The following ARAP1 variants were observed in gnomAD, a reference collection of about 807,000 sequenced individuals.
ARAP1 encodes arf-GAP with Rho-GAP domain, ANK repeat and PH domain-containing protein 1.
ARAP1 carries 76 observed loss-of-function variants against 172.2 expected under a neutral mutation model. That is an observed-to-expected ratio of 0.44 (90% CI 0.37 to 0.53). The LOEUF (loss-of-function observed/expected upper bound fraction) is 0.53, where lower values mean the gene tolerates loss of function less well. ARAP1 is among the 20% of genes least tolerant of loss of function. ARAP1 has a pLI of 0.00. For missense variants in ARAP1, 1,686 were observed against 1,977.5 expected, an observed-to-expected ratio of 0.85 and a Z score of 2.80; for synonymous variants, 804 against 803.3, an observed-to-expected ratio of 1.00 and a Z score of -0.01.
intron 1 of ARAP1, among the ~76,000 whole-genome samples, chr11:72,739,892 C>T (rs1033066747): frequency 6.6e-6 from 1 of 152,132 alleles, no homozygotes; most frequent in Non-Finnish European, 1.5e-5. Flanking sequence ...CAGCCATGTC[C>T]CCCTGCAGAG....
chr11:72,751,810 G>A (rs1216039051), intron 1 of ARAP1, among the ~76,000 whole-genome samples: 1 of 151,260 alleles, frequency 6.6e-6, no homozygotes, highest in Non-Finnish European at 1.5e-5. Flanking sequence ...CACTCCCAGC[G>A]TGACCCCATT....
Position 72,699,343 on chromosome 11 carries a change from T to C in ARAP1, c.2438+74A>G. The C allele has an allele frequency of 6.3e-7, 1 of 1,596,052 alleles. No homozygotes were observed. The highest frequency in any genetic ancestry group is 1.3e-5 in the African/African-American group (1 of 74,704). ...TGCGGAGGTCCTCCCCTTCTCTGGG[T>C]CTATTTCCCTGTCTCCCCAGTGGGG... On this transcript the variant is annotated intron_variant, in intron 17 of 34. Transcript: ENST00000393609. This position sits in a 1 kb window ranked among gnomAD's most constrained non-coding sequence, Gnocchi z 4.2.
chr11:72,696,978 C>G lies in ARAP1; in HGVS notation c.3166+5G>C. The stretch of plus-strand genomic sequence containing the variant: ...AGGAGGCTGGGCACGGGCTGCAGGG[C>G]CCACCTGAGGCCTCCAGCCAGGTTA... On this transcript the variant is annotated splice_donor_5th_base_variant and intron_variant, in intron 22 of 34. Transcript: ENST00000393609. 6.2e-7 allele frequency: 1 copy of G among 1,601,068 alleles called. No homozygotes were observed.
chr11:72,702,675 C>T (rs963396640), intron 15 of ARAP1, among the ~76,000 whole-genome samples: 1 of 152,208 alleles, frequency 6.6e-6, no homozygotes, highest in African/African-American at 2.4e-5. Flanking sequence ...CCTGAGGGGC[C>T]CACACTGCAA....
chr11:72,706,155 C>G (rs1464605640), intron 12 of ARAP1, among the ~76,000 whole-genome samples: 1 of 152,200 alleles, frequency 6.6e-6, no homozygotes, highest in African/African-American at 2.4e-5. Flanking sequence ...GCAGGCCACT[C>G]TTAACAAAGC....
chr11:72,707,196 C>T lies in ARAP1; in HGVS notation c.1702G>A (p.Val568Ile). The change falls in exon 12 of 35, where the codon GTT (valine) becomes ATT (isoleucine). Residue 568 changes from valine to isoleucine, a missense_variant. This residue lies in a region of ARAP1 where 688 missense variants were observed against 856.9 expected (regional missense o/e 0.80). Coordinates refer to ENST00000393609, the MANE Select transcript of ARAP1 (RefSeq NM_001040118.3). ...PDWASINLCVVICKRCAGEHR... is the reference protein window; with the variant it reads ...PDWASINLCVIICKRCAGEHR... ...ACACCTGCACAGCGCTTGCAGATAA[C>T]AACACAGAGGTTGATGGAGGCCCAG... 1 of 1,597,656 alleles carries T rather than the reference C, an allele frequency of 6.3e-7. No individual in the cohort carries two copies. Among genetic ancestry groups the T allele is most frequent in the Non-Finnish European group, 8.5e-7 (1 of 1,171,906 alleles).
chr11:72,711,339 G>T (rs2135540999), intron 8 of ARAP1, 91 bp downstream of exon 8: 2 of 1,515,772 alleles, frequency 1.3e-6, no homozygotes, highest in Non-Finnish European at 1.8e-6. Flanking sequence ...CTCTGGCGAG[G>T]ACTCCTCTGG....
chr11:72,696,484 C>T, intron 23 of ARAP1, 65 bp downstream of exon 23: 3 of 1,349,558 alleles, frequency 2.2e-6, no homozygotes, highest in Non-Finnish European at 3.0e-6. Context: ...GGTAGTCAGC[C>T]AGGGTGGGGG....
In ARAP1 at chr11:72,699,151, C is replaced by T. The variant is rs377316680; in HGVS notation, c.2439-44G>A. On this transcript the variant is annotated intron_variant, in intron 17 of 34. Transcript: ENST00000393609. The surrounding 1 kb of genome is among the most constrained non-coding windows in gnomAD (Gnocchi z 4.2). ...GGACTCAGGCCCACCTCATCCAGCA[C>T]GGGCCCACCCCCAACCCGCACCATC... 3.1e-5 allele frequency: 50 copies of T among 1,596,690 alleles called. No homozygotes were observed. In the African/African-American group the frequency reaches 5.8e-4, roughly 18 times the overall value.
intron 1 of ARAP1, among the ~76,000 whole-genome samples, chr11:72,750,781 T>C (rs2135600064): frequency 1.3e-5 from 2 of 152,202 alleles, no homozygotes; most frequent in South Asian, 4.1e-4. Context: ...TCCCCATGGC[T>C]CTGCAGGCCC....
rs2135512948 is a variant in ARAP1, at chr11:72,699,716, A to G, written c.2303-164T>C. 6.6e-6 allele frequency among the ~76,000 whole-genome samples: 1 copy of G among 152,218 alleles called. No individual in the cohort carries two copies. The highest frequency in any genetic ancestry group is 6.5e-5 in the Admixed American group (1 of 15,290). ...TCTCTGCATCCCCACCACGCTAGCCAGCCCACAAGTCATCCGCTCCCCCAG... is the reference window on the plus strand; with the variant it reads ...TCTCTGCATCCCCACCACGCTAGCCGGCCCACAAGTCATCCGCTCCCCCAG... On this transcript the variant is annotated intron_variant, in intron 16 of 34. Transcript: ENST00000393609. This position sits in a 1 kb window ranked among gnomAD's most constrained non-coding sequence, Gnocchi z 4.2.
chr11:72,685,745 AAGCTGCTGC>A lies in ARAP1; in HGVS notation c.4336-73_4336-65del, dbSNP rs148980436. On this transcript the variant is annotated intron_variant, in intron 34 of 34. Transcript: ENST00000393609. ...GCCCAGAGGGGCTGGCGCCCCGCTG[AAGCTGCTGC>A]AGCTGCTGCAGCCACTCTCCACTGC... 1.2e-3 allele frequency: 1,879 copies of A among 1,594,820 alleles called. 23 individuals are homozygous for A. In the East Asian group the frequency reaches 0.031, roughly 26 times the overall value.
chr11:72,685,847 T>G, intron 34 of ARAP1, 166 bp from the exon 35 acceptor site: 2 of 1,345,764 alleles, frequency 1.5e-6, no homozygotes, highest in Non-Finnish European at 2.1e-6. Context: ...ACTCCCAGCT[T>G]CCAGGGCCAG....
chr11:72,748,527 A>G (rs1346368775), intron 1 of ARAP1, among the ~76,000 whole-genome samples: 2 of 151,960 alleles, frequency 1.3e-5, no homozygotes, highest in Admixed American at 1.3e-4. Flanking sequence ...CTCAAAAAAA[A>G]AAAAAATGAT....
chr11:72,693,954 C>T lies in ARAP1; in HGVS notation c.3695-149G>A, dbSNP rs1313849867. 3.2e-6 allele frequency: 2 copies of T among 630,692 alleles called. No individual in the cohort carries two copies. Among genetic ancestry groups the T allele is most frequent in the Non-Finnish European group, 5.4e-6 (2 of 368,492 alleles). 39.1% of individuals were successfully genotyped at this position (630,692 alleles called of 1,614,324 possible). ...ACAAAACACCACCATCATGACCACC[C>T]TTCCCATGACCAAGCTTCAGGCTTG... On this transcript the variant is annotated intron_variant, in intron 27 of 34. Coordinates refer to ENST00000393609, the MANE Select transcript of ARAP1 (RefSeq NM_001040118.3). The surrounding 1 kb of genome is among the most constrained non-coding windows in gnomAD (Gnocchi z 4.6).
At chr11:72,697,248 C>A (rs1856246293) in intron 21 of ARAP1, 53 bp from the exon 22 acceptor site, 9 of 1,259,150 alleles carry the variant, frequency 7.1e-6, no homozygotes, top group Non-Finnish European at 8.5e-6. Flanking sequence ...AGTCATGGGG[C>A]GGGGCCGCGC....
intron 3 of ARAP1, among the ~76,000 whole-genome samples, chr11:72,724,199 T>C (rs1176250939): frequency 6.6e-6 from 1 of 152,150 alleles, no homozygotes; most frequent in African/African-American, 2.4e-5. Flanking sequence ...CACACCCATC[T>C]GTATGGGTGC....
rs1322591200 is a variant in ARAP1 at position 72,699,178 on chromosome 11, A to C, written c.2439-71T>G. Reference sequence around the variant, plus strand: ...GGCCCACCCCCAACCCGCACCATCAACCGCCATCCTCTGCCCCCTCCGCAC... The same window carrying C: ...GGCCCACCCCCAACCCGCACCATCACCCGCCATCCTCTGCCCCCTCCGCAC... On this transcript the variant is annotated intron_variant, in intron 17 of 34. Transcript: ENST00000393609. This position sits in a 1 kb window ranked among gnomAD's most constrained non-coding sequence, Gnocchi z 4.2. The C allele has an allele frequency of 6.5e-7, 1 of 1,528,010 alleles. No individual in the cohort carries two copies. The highest frequency in any genetic ancestry group is 9.0e-7 in the Non-Finnish European group (1 of 1,106,564). 94.7% of individuals were successfully genotyped at this position (1,528,010 alleles called of 1,614,324 possible).
At chr11:72,734,556 C>T (rs563760899) in intron 1 of ARAP1, among the ~76,000 whole-genome samples, 1 of 152,196 alleles carries the variant, frequency 6.6e-6, no homozygotes, top group Non-Finnish European at 1.5e-5. Flanking sequence ...TTACTGCATG[C>T]CAGGTATCCA....
Sources: gnomAD v4.1 joint callset for allele counts (sites outside exome capture counted in the v4.1 genomes callset) on GRCh38, gnomAD v4.1.1 for gene constraint, gnomAD v4.1.1 regional missense constraint, Gnocchi (gnomAD v3.1) non-coding constraint, MANE v1.5 for transcripts, NCBI Gene and HGNC (gene_info 2026-07-23, HGNC 2026-07-21) for gene names.